PTPRC: variants seen among roughly 807,000 people sequenced by gnomAD.
The protein encoded by PTPRC is receptor-type tyrosine-protein phosphatase C.
In PTPRC, 44 loss-of-function variants were observed where a neutral mutation model predicts 155.9. The ratio of observed to expected loss-of-function variants is 0.28; its 90% CI spans 0.22 to 0.36. PTPRC has a LOEUF of 0.36. Among genes scored for constraint, PTPRC ranks in the 10% least tolerant of loss-of-function variants. The pLI is 1.00. For missense variants in PTPRC, 1,401 were observed against 1,564.6 expected, an observed-to-expected ratio of 0.90 and a Z score of 1.76; for synonymous variants, 525 against 533.1, an observed-to-expected ratio of 0.98 and a Z score of 0.21.
At chr1:198,667,164 C>T (rs12126326) in intron 2 of PTPRC, 23,069 of 152,132 alleles carry the variant, frequency 0.15, 1,842 homozygotes, top group South Asian at 0.18. Context: ...TGAGGTTTTG[C>T]CTCTTTATTC....
rs777612601 is a variant in PTPRC at position 198,741,931 on chromosome 1, C to T, written c.2466C>T (p.His822=). 1.2e-5 allele frequency: 20 copies of T among 1,611,816 alleles called. No individual in the cohort carries two copies. Among genetic ancestry groups the T allele is most frequent in the South Asian group, 3.3e-5 (3 of 91,016 alleles). The part of the protein sequence containing the change: ...THIQFTSWPD[H]GVPEDPHLLL... ...TTCAGTTCACCAGCTGGCCAGACCA[C>T]GGGGTGCCTGAGGATCCTCACTTGC... The change falls in exon 24 of 33, where the codon CAC becomes CAT. Residue 822 remains histidine, a synonymous_variant. Coordinates refer to ENST00000442510, the MANE Select transcript of PTPRC (RefSeq NM_002838.5).
At chr1:198,705,766 G>A (rs1652924541) in intron 8 of PTPRC, among the ~76,000 whole-genome samples, 1 of 151,992 alleles carries the variant, frequency 6.6e-6, no homozygotes, top group Admixed American at 6.6e-5. Context: ...TGCCTCTGTG[G>A]CCACTCCTGC....
At chr1:198,742,090 A>G (rs1654927496) in intron 24 of PTPRC, 64 bp downstream of exon 24, 1 of 1,603,964 alleles carries the variant, frequency 6.2e-7, no homozygotes, top group Non-Finnish European at 8.5e-7. Context: ...CCACCTGCCT[A>G]GGGCTGTTAG....
intron 9 of PTPRC, 97 bp from the exon 10 acceptor site, chr1:198,708,036 A>C: frequency 8.5e-7 from 1 of 1,176,014 alleles, no homozygotes; most frequent in South Asian, 1.3e-5. Context: ...CATTAGCATA[A>C]TTTCAGTGGC....
chr1:198,699,697 T>G lies in PTPRC; in HGVS notation c.432T>G (p.Ala144=). 6.2e-7 allele frequency: 1 copy of G among 1,614,186 alleles called. No individual in the cohort carries two copies. The highest frequency in any genetic ancestry group is 1.1e-5 in the South Asian group (1 of 91,084). The change falls in exon 5 of 33, where the codon GCT becomes GCG. Residue 144 remains alanine, a synonymous_variant. Transcript: ENST00000442510. ...TCAACCCTACCCCAGGCAGCAATGC[T>G]ATCTCAGGTTTGCGGGTCCTTTAGA... is the stretch of plus-strand genomic sequence containing the variant. ...AKLNPTPGSN[A]ISDVPGERST... is the part of the protein sequence containing the mutation.
At chr1:198,682,305 A>G (rs1220797594) in intron 2 of PTPRC, among the ~76,000 whole-genome samples, 1 of 152,190 alleles carries the variant, frequency 6.6e-6, no homozygotes, top group Non-Finnish European at 1.5e-5. Context: ...TATTGTCCTC[A>G]GCTTTAGGAG....
rs187277222 is a variant in PTPRC, at chr1:198,754,520, C to T, written c.3645+116C>T. The T allele has an allele frequency of 1.2e-3, 1,418 of 1,197,734 alleles. 2 individuals are homozygous for T. The highest frequency in any genetic ancestry group is 1.4e-3 in the Non-Finnish European group (1,219 of 846,292). The allele number at this position is 1,197,734 out of a possible 1,614,324, so 74.2% of individuals were successfully genotyped here. ...CTCGTTTGTTCTTTTTTCCCCTTTC[C>T]TTTTCTCTTCTCTATTTTCTTTCCT... On this transcript the variant is annotated intron_variant, in intron 32 of 32. Coordinates refer to ENST00000442510, the MANE Select transcript of PTPRC (RefSeq NM_002838.5).
intron 11 of PTPRC, among the ~76,000 whole-genome samples, chr1:198,711,423 G>T (rs1165486588): frequency 1.3e-5 from 2 of 151,892 alleles, no homozygotes. Context: ...TAATGATCCT[G>T]GTATCTCTGT....
chr1:198,746,348 T>TATC (rs1219094517), intron 26 of PTPRC, among the ~76,000 whole-genome samples: 1 of 151,798 alleles, frequency 6.6e-6, no homozygotes, highest in East Asian at 1.9e-4. Flanking sequence ...GGAGAACACG[T>TATC]ATCTTTTCTT....
At chr1:198,705,052 T>G (rs959991381) in intron 8 of PTPRC, among the ~76,000 whole-genome samples, 6 of 152,190 alleles carry the variant, frequency 3.9e-5, no homozygotes, top group African/African-American at 1.4e-4. Context: ...ATCTCTCTTT[T>G]TCTCTCTCTT....
chr1:198,657,731 G>C (rs1663676477), intron 2 of PTPRC: 2 of 152,090 alleles, frequency 1.3e-5, no homozygotes, highest in African/African-American at 4.8e-5. Flanking sequence ...TCTCAGGATT[G>C]TATCTCTACT....
intron 23 of PTPRC, among the ~76,000 whole-genome samples, chr1:198,735,515 G>A (rs1654595654): frequency 6.6e-6 from 1 of 151,274 alleles, no homozygotes; most frequent in Non-Finnish European, 1.5e-5. Flanking sequence ...AAGAGGGAAG[G>A]TCCATTAAAT....
chr1:198,665,737 T>A (rs1461058785), intron 2 of PTPRC, among the ~76,000 whole-genome samples: 1 of 152,204 alleles, frequency 6.6e-6, no homozygotes, highest in African/African-American at 2.4e-5. Flanking sequence ...TTCAAGTATG[T>A]TCAATGTAGT....
chr1:198,689,164 A>G (rs1164355245), intron 2 of PTPRC, among the ~76,000 whole-genome samples: 1 of 147,926 alleles, frequency 6.8e-6, no homozygotes, highest in Non-Finnish European at 1.5e-5. Flanking sequence ...AGATTAAAAT[A>G]ATATACATCA....
At chr1:198,753,831 A>G (rs1655496418) in intron 31 of PTPRC, among the ~76,000 whole-genome samples, 1 of 152,078 alleles carries the variant, frequency 6.6e-6, no homozygotes, top group African/African-American at 2.4e-5. Flanking sequence ...AACGTGGTAG[A>G]GAGGCAGAAG....
chr1:198,727,793 T>G (rs1654206382), intron 15 of PTPRC, among the ~76,000 whole-genome samples: 1 of 152,108 alleles, frequency 6.6e-6, no homozygotes, highest in Non-Finnish European at 1.5e-5. Flanking sequence ...TTAAACTTAG[T>G]GAATATTTAA....
chr1:198,640,058 A>T (rs74134763), intron 2 of PTPRC, among the ~76,000 whole-genome samples: 2 of 151,946 alleles, frequency 1.3e-5, no homozygotes, highest in African/African-American at 4.8e-5. Context: ...AAACTCTTAA[A>T]AATCATGCAA....
At chr1:198,740,076 A>C (rs1654828838) in intron 23 of PTPRC, among the ~76,000 whole-genome samples, 1 of 151,854 alleles carries the variant, frequency 6.6e-6, no homozygotes, top group Non-Finnish European at 1.5e-5. Flanking sequence ...AGCAGTACTA[A>C]GAGAAAAGTT....
intron 15 of PTPRC, among the ~76,000 whole-genome samples, chr1:198,726,956 C>T (rs574452126): frequency 4.3e-4 from 65 of 150,454 alleles, no homozygotes; most frequent in African/African-American, 1.2e-3. Flanking sequence ...TCTGCCTCCT[C>T]GGTTCAAGTG....
Sources: gnomAD v4.1 joint callset for allele counts (sites outside exome capture counted in the v4.1 genomes callset) on GRCh38, gnomAD v4.1.1 for gene constraint, MANE v1.5 for transcripts, NCBI Gene and HGNC (gene_info 2026-07-23, HGNC 2026-07-21) for gene names.